The following PPP3CA variants were observed in gnomAD, a reference collection of about 807,000 sequenced individuals.
PPP3CA encodes the protein CAM-PRP catalytic subunit.
In PPP3CA, 14 loss-of-function variants were observed where a neutral mutation model predicts 66.5. The ratio of observed to expected loss-of-function variants is 0.21; its 90% confidence interval spans 0.14 to 0.33. PPP3CA has a LOEUF of 0.33. Ranked by LOEUF, PPP3CA falls within the 10% of genes least tolerant of loss-of-function variation. PPP3CA has a pLI of 1.00. For missense variants in PPP3CA, 317 were observed against 639.5 expected, an observed-to-expected ratio of 0.50 and a Z score of 5.44; for synonymous variants, 232 against 226.2, an observed-to-expected ratio of 1.03 and a Z score of -0.23.
At chr4:101,146,420 G>C (rs1280702229) in intron 2 of PPP3CA, among the ~76,000 whole-genome samples, 1 of 151,922 alleles carries the variant, frequency 6.6e-6, no homozygotes, top group African/African-American at 2.4e-5. Flanking sequence ...TTTAGGAGTA[G>C]TAGAACCAGT....
intron 2 of PPP3CA, among the ~76,000 whole-genome samples, chr4:101,140,645 T>C (rs2110291054): frequency 6.6e-6 from 1 of 152,298 alleles, no homozygotes; most frequent in East Asian, 1.9e-4. Context: ...TCAAAGTCCT[T>C]TTTTTGAAGT....
intron 1 of PPP3CA, among the ~76,000 whole-genome samples, chr4:101,211,833 T>C (rs1725308410): frequency 6.6e-6 from 1 of 152,198 alleles, no homozygotes; most frequent in African/African-American, 2.4e-5. Flanking sequence ...GAGCAGAAAC[T>C]GAGCTCTACA....
intron 2 of PPP3CA, among the ~76,000 whole-genome samples, chr4:101,125,285 C>G (rs563403276): frequency 1.3e-5 from 2 of 152,348 alleles, no homozygotes; most frequent in African/African-American, 4.8e-5. Flanking sequence ...AAGCCTGCCT[C>G]TTTCACTCTT....
rs111636358 is a variant in PPP3CA at position 101,032,413 on chromosome 4, A to T, written c.1242-49T>A. ...CATTAACTTTTAATTTCTTTTGTGA[A>T]AAAGAAAGAAATGACTGAAAGGAAA... is the stretch of plus-strand genomic sequence containing the variant. On this transcript the variant is annotated intron_variant, in intron 11 of 13. Coordinates refer to ENST00000394854, the MANE Select transcript of PPP3CA (RefSeq NM_000944.5). The T allele has an allele frequency of 4.6e-4, 678 of 1,487,958 alleles. 1 individual carries two copies. The African/African-American group carries it at 8.8e-3, about 19-fold the overall frequency. The allele number at this position is 1,487,958 out of a possible 1,614,324, so 92.2% of individuals were successfully genotyped here. A position where few individuals can be genotyped will look rare whatever the true frequency, so the allele number is the denominator to read the frequency against.
intron 2 of PPP3CA, among the ~76,000 whole-genome samples, chr4:101,184,844 G>C (rs983142425): frequency 6.6e-6 from 1 of 152,056 alleles, no homozygotes; most frequent in Non-Finnish European, 1.5e-5. Flanking sequence ...AGTTAGAAGG[G>C]AAGGGCTAAA....
chr4:101,113,968 C>T (rs1314150855), intron 2 of PPP3CA, among the ~76,000 whole-genome samples: 1 of 152,092 alleles, frequency 6.6e-6, no homozygotes, highest in Non-Finnish European at 1.5e-5. Flanking sequence ...TCTTGAACAA[C>T]CAGGCTCTGA....
At chr4:101,177,463 A>G (rs965559617) in intron 2 of PPP3CA, among the ~76,000 whole-genome samples, 5 of 152,192 alleles carry the variant, frequency 3.3e-5, no homozygotes, top group South Asian at 2.1e-4. Flanking sequence ...CTTTTAGACA[A>G]TAGTTTTCAC....
intron 10 of PPP3CA, among the ~76,000 whole-genome samples, chr4:101,049,354 C>T (rs1727910716): frequency 6.6e-6 from 1 of 151,976 alleles, no homozygotes; most frequent in African/African-American, 2.4e-5. Flanking sequence ...ATTGCTCCCC[C>T]TGCCTTTGTT....
At chr4:101,254,812 C>T (rs1233799198) in intron 1 of PPP3CA, among the ~76,000 whole-genome samples, 1 of 151,748 alleles carries the variant, frequency 6.6e-6, no homozygotes, top group African/African-American at 2.4e-5. Context: ...CTATAAATTG[C>T]TTTATTCAGC....
rs541722522 is a variant in PPP3CA, at chr4:101,106,416, A to G, written c.384+2538T>C. ...AAGAAAGAAAGAAAGAAAGAAAGAA[A>G]GAAAGAAAGAAAGAAAGAAAGAAAG... On this transcript the variant is annotated intron_variant, in intron 3 of 13. Transcript: ENST00000394854. 2.1e-3 allele frequency among the ~76,000 whole-genome samples: 25 copies of G among 11,738 alleles called. 2 individuals are homozygous for G. In the East Asian group the frequency reaches 0.045, roughly 21 times the overall value. The allele number at this position is 11,738 out of a possible 152,430, so 7.7% of individuals were successfully genotyped here. A position where few individuals can be genotyped will look rare whatever the true frequency, so the allele number is the denominator to read the frequency against.
intron 2 of PPP3CA, among the ~76,000 whole-genome samples, chr4:101,115,114 A>G (rs1016165608): frequency 6.6e-6 from 1 of 152,058 alleles, no homozygotes; most frequent in African/African-American, 2.4e-5. Flanking sequence ...AGTGCTGATG[A>G]GAGAAAAATA....
chr4:101,222,386 C>T (rs1725654491), intron 1 of PPP3CA, among the ~76,000 whole-genome samples: 2 of 151,622 alleles, frequency 1.3e-5, no homozygotes, highest in African/African-American at 2.4e-5. Flanking sequence ...CTCAAATACA[C>T]ATTAAAAATA....
chr4:101,042,696 T>C (rs1173826559), intron 10 of PPP3CA, among the ~76,000 whole-genome samples: 1 of 152,160 alleles, frequency 6.6e-6, no homozygotes, highest in Non-Finnish European at 1.5e-5. Context: ...CTATGATTTG[T>C]AATTAAGATT....
chr4:101,097,155 G>A (rs560997911), intron 5 of PPP3CA, among the ~76,000 whole-genome samples: 1 of 152,126 alleles, frequency 6.6e-6, no homozygotes, highest in East Asian at 1.9e-4. Context: ...CATACATTAG[G>A]CTTAAATATA....
intron 8 of PPP3CA, among the ~76,000 whole-genome samples, chr4:101,064,072 A>G (rs1270844468): frequency 1.3e-5 from 2 of 152,016 alleles, no homozygotes; most frequent in Non-Finnish European, 2.9e-5. Context: ...ACTTAATAAA[A>G]TAAAATGTTT....
At chr4:101,033,305 C>CACACAA (rs1727092709) in intron 11 of PPP3CA, among the ~76,000 whole-genome samples, 2 of 132,526 alleles carry the variant, frequency 1.5e-5, no homozygotes, top group South Asian at 4.3e-4. Flanking sequence ...CACACACACA[C>CACACAA]ACACACACAC....
chr4:101,040,642 A>G (rs1727475042), intron 10 of PPP3CA, 76 bp from the exon 11 acceptor site: 2 of 1,146,168 alleles, frequency 1.7e-6, no homozygotes, highest in Non-Finnish European at 2.5e-6. Context: ...TTACACATAC[A>G]ACAGACTCCA....
intron 1 of PPP3CA, among the ~76,000 whole-genome samples, chr4:101,231,963 T>C (rs1019732708): frequency 3.3e-5 from 5 of 151,686 alleles, no homozygotes; most frequent in African/African-American, 1.2e-4. Context: ...TACCAGTAAC[T>C]CAGCATTCTG....
At chr4:101,133,080 G>A (rs563923340) in intron 2 of PPP3CA, among the ~76,000 whole-genome samples, 9 of 152,076 alleles carry the variant, frequency 5.9e-5, no homozygotes, top group African/African-American at 2.2e-4. Context: ...CAATAAACTA[G>A]GTATTGATAG....
Sources: gnomAD v4.1 joint callset for allele counts (sites outside exome capture counted in the v4.1 genomes callset) on GRCh38, gnomAD v4.1.1 for gene constraint, MANE v1.5 for transcripts, NCBI Gene and HGNC (gene_info 2026-07-23, HGNC 2026-07-21) for gene names.